Variants in UBR4 observed in about 807,000 individuals in gnomAD.
The protein encoded by UBR4 is E3 ubiquitin-protein ligase UBR4.
A neutral mutation model predicts 575.6 loss-of-function variants in UBR4; 124 were observed. That is an observed-to-expected ratio of 0.22 (90% CI 0.19 to 0.25). UBR4 has a LOEUF of 0.25. UBR4 is among the 10% of genes least tolerant of loss of function. The pLI is 1.00. For synonymous variants in UBR4, 2,455 were observed against 2,473.7 expected (o/e 0.99, Z 0.22); for missense variants, 4,818 against 6,478.8 (o/e 0.74, Z 8.80).
rs375208903 is a variant in UBR4, at chr1:19,179,223, G to T, written c.2185-3C>A. 93 of 1,563,798 alleles carry T rather than the reference G, an allele frequency of 5.9e-5. No individual in the cohort carries two copies. Among genetic ancestry groups the T allele is most frequent in the Non-Finnish European group, 7.7e-5 (89 of 1,162,924 alleles). On this transcript the variant is annotated splice_polypyrimidine_tract_variant and splice_region_variant and intron_variant, in intron 17 of 105. Coordinates refer to ENST00000375254, the MANE Select transcript of UBR4 (RefSeq NM_020765.3). ...CCTAGCTGCTGCAACAGTGTGTTCTGACAAGAAAGACATGGAACAGAACAT... is the reference window on the plus strand; with the variant it reads ...CCTAGCTGCTGCAACAGTGTGTTCTTACAAGAAAGACATGGAACAGAACAT...
At chr1:19,094,184 C>T (rs2077797916) in intron 94 of UBR4, 45 bp from the exon 95 acceptor site, 1 of 1,502,564 alleles carries the variant, frequency 6.7e-7, no homozygotes, top group East Asian at 2.3e-5. Context: ...GCAGTCAGGA[C>T]TGTGGCTGCA....
chr1:19,078,278 T>C (rs759563006), intron 103 of UBR4: 5 of 513,802 alleles, frequency 9.7e-6, no homozygotes, highest in East Asian at 3.5e-5. Context: ...AAATGCTCCA[T>C]GAAATTCATC....
intron 77 of UBR4, chr1:19,113,468 A>G: frequency 1.7e-6 from 1 of 601,838 alleles, no homozygotes; most frequent in Non-Finnish European, 2.8e-6. Context: ...TTACCTTCCC[A>G]TCACCAGTAT....
intron 22 of UBR4, among the ~76,000 whole-genome samples, chr1:19,174,002 A>C (rs1451521452): frequency 6.6e-6 from 1 of 152,242 alleles, no homozygotes; most frequent in African/African-American, 2.4e-5. Context: ...ACACATTAAC[A>C]GAGCCATGGA....
At chr1:19,108,093 C>G (rs563300442) in intron 81 of UBR4, among the ~76,000 whole-genome samples, 1 of 152,038 alleles carries the variant, frequency 6.6e-6, no homozygotes, top group Non-Finnish European at 1.5e-5. Flanking sequence ...ATTTTAATAC[C>G]TTTTTCAACT....
intron 17 of UBR4, among the ~76,000 whole-genome samples, chr1:19,180,926 T>C (rs1317159743): frequency 2.0e-5 from 3 of 152,190 alleles, no homozygotes; most frequent in South Asian, 2.1e-4. Context: ...TCCTCTTTCA[T>C]ACTGGCATTT....
At chr1:19,197,644 A>G (rs750156021) in intron 7 of UBR4, 26 bp downstream of exon 7, 1 of 1,611,154 alleles carries the variant, frequency 6.2e-7, no homozygotes, top group Non-Finnish European at 8.5e-7. Flanking sequence ...AAAAAAGTAA[A>G]GCATGTGCAC....
In UBR4 at chr1:19,096,625, C is replaced by T. The variant is rs1476214764; in HGVS notation, c.13416G>A (p.Val4472=). The T allele has an allele frequency of 6.2e-7, 1 of 1,613,766 alleles. No homozygotes were observed. The highest frequency in any genetic ancestry group is 8.5e-7 in the Non-Finnish European group (1 of 1,179,892). The change falls in exon 92 of 106, where the codon GTG becomes GTA. Residue 4472 remains valine, a synonymous_variant. Transcript: ENST00000375254. ...GGGCCATCACACCAGCCATTTTATACACTTCTTCTTCATCTTCTTCTTCAT... is the reference window on the plus strand; with the variant it reads ...GGGCCATCACACCAGCCATTTTATATACTTCTTCTTCATCTTCTTCTTCAT... ...TTDEEEDEEE[V]YKMAGVMAQC...
intron 20 of UBR4, 43 bp downstream of exon 20, chr1:19,176,549 A>G (rs1318736808): frequency 6.3e-7 from 1 of 1,598,772 alleles, no homozygotes; most frequent in East Asian, 2.2e-5. Flanking sequence ...CCCACCAATG[A>G]GAATCAGTAA....
In UBR4 at chr1:19,122,845, T is replaced by C. The variant is rs756443841; in HGVS notation, c.9804A>G (p.Thr3268=). 4 of 1,614,060 alleles carry C rather than the reference T, an allele frequency of 2.5e-6. No individual in the cohort carries two copies. The highest frequency in any genetic ancestry group is 3.4e-6 in the Non-Finnish European group (4 of 1,180,014). ...ASSGSALQYD[T]LISLMEHLKA... The stretch of plus-strand genomic sequence containing the variant: ...CCAGCCCTCGTACCAGGCTGATGAG[T>C]GTGTCATATTGCAAGGCGGAGCCTG... The change falls in exon 66 of 106, where the codon ACA becomes ACG. Residue 3268 remains threonine, a synonymous_variant. Transcript: ENST00000375254.
At chr1:19,185,357 A>G in intron 14 of UBR4, 71 bp from the exon 15 acceptor site, 1 of 1,426,030 alleles carries the variant, frequency 7.0e-7, no homozygotes, top group South Asian at 1.5e-5. Context: ...CTGCTTCCTA[A>G]AAGTACTTAA....
intron 1 of UBR4, among the ~76,000 whole-genome samples, chr1:19,206,545 AG>A (rs1170682766): frequency 6.6e-6 from 1 of 152,310 alleles, no homozygotes; most frequent in East Asian, 1.9e-4. Context: ...CATGTTAGCC[AG>A]GCTGGTCTCA....
rs574508643 is a variant in UBR4 at position 19,126,606 on chromosome 1, C to T, written c.9278G>A (p.Gly3093Glu). 2 of 1,614,080 alleles carry T rather than the reference C, an allele frequency of 1.2e-6. No individual in the cohort carries two copies. The highest frequency in any genetic ancestry group is 3.3e-5 in the Admixed American group (2 of 60,026). The stretch of plus-strand genomic sequence containing the variant: ...CACGTGCAGGCAGTAGTCCACAGCC[C>T]CAGAGCTCAGTAGAGCTGCTGCTGT... ...SATAAALLSS[G>E]AVDYCLHVLK... is the part of the protein sequence containing the mutation. The change falls in exon 64 of 106, where the codon GGG (glycine) becomes GAG (glutamate). Residue 3093 changes from glycine (G) to glutamate (E), a missense_variant. By Grantham distance (98) the Gly-to-Glu change is moderately conservative. Around this residue, in one of 29 missense-constraint regions of UBR4, gnomAD observed 550 missense variants for 791.5 expected, o/e 0.69. Coordinates refer to ENST00000375254, the MANE Select transcript of UBR4 (RefSeq NM_020765.3).
Position 19,126,432 on chromosome 1 carries a change from G to A in UBR4, c.9438+14C>T, listed in dbSNP as rs2081804654. ...CAAAGGACGAGTGTTTCTTTGATGA[G>A]GGAAAGATCTCACCTTCACATACTG... On this transcript the variant is annotated intron_variant, in intron 64 of 105. Coordinates refer to ENST00000375254, the MANE Select transcript of UBR4 (RefSeq NM_020765.3). The A allele has an allele frequency of 6.2e-7, 1 of 1,614,056 alleles. No homozygotes were observed.
intron 60 of UBR4, 137 bp downstream of exon 60, chr1:19,137,862 AAACTGTTT>A: frequency 2.3e-6 from 2 of 887,246 alleles, no homozygotes; most frequent in Middle Eastern, 2.7e-4. Flanking sequence ...CTAAGACTTT[AAACTGTTT>A]CAGAAGTTTA....
chr1:19,206,673 C>G (rs1401643965), intron 1 of UBR4, among the ~76,000 whole-genome samples: 2 of 152,114 alleles, frequency 1.3e-5, no homozygotes. Context: ...ATTTTAGTAG[C>G]CTTTACTACT....
At chr1:19,127,312 A>G (rs751723599) in intron 63 of UBR4, among the ~76,000 whole-genome samples, 2 of 152,202 alleles carry the variant, frequency 1.3e-5, no homozygotes, top group African/African-American at 2.4e-5. Context: ...CATACCTTAT[A>G]GCAACATACA....
intron 51 of UBR4, 76 bp from the exon 52 acceptor site, chr1:19,147,076 G>T: frequency 1.4e-6 from 2 of 1,466,742 alleles, no homozygotes; most frequent in Middle Eastern, 4.3e-4. Context: ...GAGAAAAGCT[G>T]GCAGATCACC....
In UBR4 at chr1:19,088,481, T is replaced by A. The variant is rs553243878; in HGVS notation, c.14430+278A>T. Among the ~76,000 whole-genome samples, 59 of 152,280 alleles carry A rather than the reference T, an allele frequency of 3.9e-4. No homozygotes were observed. The South Asian group carries it at 0.012, about 30-fold the overall frequency. On this transcript the variant is annotated intron_variant, in intron 98 of 105. Transcript: ENST00000375254. The surrounding 1 kb of genome is among the most constrained non-coding windows in gnomAD (Gnocchi z 4.0). ...AATGGGTATAACAATATCAACCTCC[T>A]AGAACTACTTGAGGGCTTAAATAAG...
Sources: allele counts gnomAD v4.1 joint callset (sites outside exome capture counted in the v4.1 genomes callset), GRCh38; gene constraint gnomAD v4.1.1; regional missense constraint gnomAD v4.1.1; non-coding constraint Gnocchi (gnomAD v3.1); transcripts MANE v1.5; gene names NCBI Gene and HGNC (gene_info 2026-07-23, HGNC 2026-07-21).